The following ENTREP2 variants were observed in gnomAD, a reference collection of about 807,000 sequenced individuals.
The protein encoded by ENTREP2 is endosomal transmembrane epsin interactor 2, also known as protein ENTREP2.
chr15:29,489,646 T>A, the ENTREP2 span, among the ~76,000 whole-genome samples: 2 of 152,208 alleles, frequency 1.3e-5, no homozygotes, highest in South Asian at 2.1e-4. Context: ...ACGCACAAAA[T>A]GTCATGTCTC....
the ENTREP2 span, among the ~76,000 whole-genome samples, chr15:29,625,301 T>A: frequency 6.6e-6 from 1 of 152,220 alleles, no homozygotes; most frequent in Non-Finnish European, 1.5e-5. Context: ...TTCCACTGTT[T>A]GGTTATTATG....
the ENTREP2 span, among the ~76,000 whole-genome samples, chr15:29,393,723 G>T: frequency 7.1e-6 from 1 of 141,706 alleles, no homozygotes; most frequent in East Asian, 2.1e-4. Context: ...ATAAAGCAAT[G>T]AATAGAGGCT....
chr15:29,532,112 TTCC>T, the ENTREP2 span, among the ~76,000 whole-genome samples: 1 of 152,182 alleles, frequency 6.6e-6, no homozygotes, highest in Non-Finnish European at 1.5e-5. Flanking sequence ...TCTCTTTAAC[TTCC>T]TCCTCCTATC....
the ENTREP2 span, among the ~76,000 whole-genome samples, chr15:29,668,022 C>T: frequency 6.6e-6 from 1 of 152,074 alleles, no homozygotes; most frequent in East Asian, 1.9e-4. Flanking sequence ...AGAAGACACC[C>T]ATTGCTCCTG....
the ENTREP2 span, among the ~76,000 whole-genome samples, chr15:29,657,677 T>C: frequency 6.6e-6 from 1 of 152,116 alleles, no homozygotes; most frequent in Admixed American, 6.6e-5. Flanking sequence ...AGAGCGCCGA[T>C]TGGTGCATTT....
At chr15:29,619,564 C>T in the ENTREP2 span, among the ~76,000 whole-genome samples, 1 of 152,078 alleles carries the variant, frequency 6.6e-6, no homozygotes, top group Non-Finnish European at 1.5e-5. Flanking sequence ...TGCCTACACG[C>T]TTATCCAGTG....
chr15:29,663,704 G>A, the ENTREP2 span, among the ~76,000 whole-genome samples: 1 of 152,078 alleles, frequency 6.6e-6, no homozygotes, highest in African/African-American at 2.4e-5. Context: ...CACACCCCGC[G>A]GCCTGTTGTG....
the ENTREP2 span, chr15:29,612,481 A>G: frequency 6.7e-6 from 1 of 150,300 alleles, no homozygotes; most frequent in Non-Finnish European, 1.5e-5. Context: ...GCACACCTTC[A>G]GCCTGCTACC....
the ENTREP2 span, among the ~76,000 whole-genome samples, chr15:29,394,242 C>G: frequency 6.6e-6 from 1 of 152,112 alleles, no homozygotes; most frequent in East Asian, 1.9e-4. Context: ...AGTGAAATCT[C>G]TATCAAAATC....
chr15:29,540,664 T>C, the ENTREP2 span, among the ~76,000 whole-genome samples: 1 of 152,372 alleles, frequency 6.6e-6, no homozygotes, highest in South Asian at 2.1e-4. Context: ...CTGCCATCTA[T>C]AATTGCTTGA....
chr15:29,481,361 T>A, the ENTREP2 span, among the ~76,000 whole-genome samples: 3 of 152,160 alleles, frequency 2.0e-5, no homozygotes, highest in Non-Finnish European at 2.9e-5. Flanking sequence ...AGACTCCTAA[T>A]GGATGGGCCA....
chr15:29,338,385 C>T, the ENTREP2 span, among the ~76,000 whole-genome samples: 1 of 145,476 alleles, frequency 6.9e-6, no homozygotes, highest in Non-Finnish European at 1.5e-5. Flanking sequence ...AAGATCGCGC[C>T]ACTGCACTCC....
At chr15:29,313,519 C>T in the ENTREP2 span, among the ~76,000 whole-genome samples, 3 of 152,214 alleles carry the variant, frequency 2.0e-5, no homozygotes, top group East Asian at 5.8e-4. Flanking sequence ...CTAGAACTAG[C>T]CCAACAAAGC....
At chr15:29,470,132 G>A in the ENTREP2 span, among the ~76,000 whole-genome samples, 1 of 152,204 alleles carries the variant, frequency 6.6e-6, no homozygotes, top group Admixed American at 6.5e-5. Flanking sequence ...CAAATTAACT[G>A]AAAACCTTCA....
At chr15:29,522,205 T>C in the ENTREP2 span, among the ~76,000 whole-genome samples, 1 of 152,320 alleles carries the variant, frequency 6.6e-6, no homozygotes, top group African/African-American at 2.4e-5. Context: ...AAACAAATCT[T>C]TATAACTCTG....
At chr15:29,347,681 C>T in the ENTREP2 span, among the ~76,000 whole-genome samples, 95 of 152,192 alleles carry the variant, frequency 6.2e-4, 2 homozygotes, top group South Asian at 0.02. Context: ...AAACGATGGA[C>T]CAAAGTGATT....
chr15:29,338,827 G>T, the ENTREP2 span, among the ~76,000 whole-genome samples: 1 of 152,098 alleles, frequency 6.6e-6, no homozygotes. Flanking sequence ...CAAATAAAAC[G>T]GTTGTGGGAG....
chr15:29,124,691 C>T, the ENTREP2 span: 1 of 1,550,520 alleles, frequency 6.4e-7, no homozygotes, highest in African/African-American at 1.4e-5. Flanking sequence ...TCTCACCGCT[C>T]CCAGGCACAG....
chr15:29,216,057 G>A, the ENTREP2 span, among the ~76,000 whole-genome samples: 7 of 152,214 alleles, frequency 4.6e-5, no homozygotes, highest in African/African-American at 1.7e-4. Context: ...TTGTTTTATA[G>A]GTCCTGTGTG....
Sources: allele counts gnomAD v4.1 joint callset (sites outside exome capture counted in the v4.1 genomes callset), GRCh38; gene constraint gnomAD v4.1.1; transcripts MANE v1.5; gene names NCBI Gene and HGNC (gene_info 2026-07-23, HGNC 2026-07-21).